Variants in FER1L6 observed in about 807,000 individuals in gnomAD.
The protein encoded by FER1L6 is fer-1 like family member 6.
A neutral mutation model predicts 219.2 loss-of-function variants in FER1L6; 177 were observed. The ratio of observed to expected loss-of-function variants is 0.81; its 90% CI spans 0.71 to 0.91. The LOEUF (loss-of-function observed/expected upper bound fraction) is 0.91. Ranked by LOEUF, FER1L6 falls within the 40% of genes least tolerant of loss-of-function variation. The pLI is 0.00. For missense variants in FER1L6, 2,153 were observed against 2,259.9 expected (o/e 0.95, Z 0.96); for synonymous variants, 768 against 824.3 (o/e 0.93, Z 1.17).
chr8:124,061,428 G>A (rs910906621), intron 24 of FER1L6, among the ~76,000 whole-genome samples: 23 of 152,044 alleles, frequency 1.5e-4, no homozygotes, highest in Non-Finnish European at 2.2e-4. Flanking sequence ...ATTGAGTCTC[G>A]GGGGCCACCA....
chr8:123,854,509 C>T (rs111494122), intron 1 of FER1L6, among the ~76,000 whole-genome samples: 17 of 152,188 alleles, frequency 1.1e-4, no homozygotes, highest in African/African-American at 4.1e-4. Flanking sequence ...GTCCATCACA[C>T]TGTGTTTCTG....
At chr8:123,968,407 C>A (rs1175925553) in intron 5 of FER1L6, among the ~76,000 whole-genome samples, 2 of 151,972 alleles carry the variant, frequency 1.3e-5, no homozygotes, top group Non-Finnish European at 2.9e-5. Flanking sequence ...CTGAAGGAAC[C>A]CATTAGTTGG....
intron 34 of FER1L6, among the ~76,000 whole-genome samples, chr8:124,092,627 G>A (rs56967015): frequency 1.3e-5 from 2 of 152,104 alleles, no homozygotes; most frequent in Non-Finnish European, 2.9e-5. Flanking sequence ...GTGTTGGTCT[G>A]TTCTTGCATT....
chr8:123,977,705 C>G (rs1816152268), intron 10 of FER1L6, 96 bp downstream of exon 10: 1 of 1,102,624 alleles, frequency 9.1e-7, no homozygotes, highest in Non-Finnish European at 1.3e-6. Context: ...CAGTCCCCAG[C>G]CTTTCTGGCA....
intron 1 of FER1L6, among the ~76,000 whole-genome samples, chr8:123,877,638 A>G (rs1346022055): frequency 1.3e-5 from 2 of 152,080 alleles, no homozygotes; most frequent in Non-Finnish European, 2.9e-5. Context: ...TCTTGCTTGA[A>G]TCTACGTCTC....
At chr8:124,049,154 T>G (rs1819878306) in intron 21 of FER1L6, among the ~76,000 whole-genome samples, 1 of 152,042 alleles carries the variant, frequency 6.6e-6, no homozygotes, top group Non-Finnish European at 1.5e-5. Flanking sequence ...TTTAAGTGAT[T>G]CTCCTGCCTC....
intron 1 of FER1L6, among the ~76,000 whole-genome samples, chr8:123,944,026 G>A (rs1814372997): frequency 6.6e-6 from 1 of 152,066 alleles, no homozygotes; most frequent in African/African-American, 2.4e-5. Flanking sequence ...TTTTACTGAA[G>A]CCTTGAGACC....
intron 16 of FER1L6, among the ~76,000 whole-genome samples, chr8:124,019,049 T>G (rs1197793408): frequency 6.6e-6 from 1 of 152,198 alleles, no homozygotes; most frequent in African/African-American, 2.4e-5. Flanking sequence ...ACCAGCATGG[T>G]CTTTCTAAAA....
At chr8:124,117,474 G>T (rs1225870262) in intron 39 of FER1L6, among the ~76,000 whole-genome samples, 1 of 152,144 alleles carries the variant, frequency 6.6e-6, no homozygotes, top group Non-Finnish European at 1.5e-5. Flanking sequence ...TGCCTATGGG[G>T]CTAAGATTTC....
At chr8:123,857,845 A>C (rs1816675775) in intron 1 of FER1L6, among the ~76,000 whole-genome samples, 1 of 152,200 alleles carries the variant, frequency 6.6e-6, no homozygotes, top group Non-Finnish European at 1.5e-5. Context: ...TCTGGACAAA[A>C]AGCAGAAACT....
intron 1 of FER1L6, among the ~76,000 whole-genome samples, chr8:123,894,347 G>A (rs1812708876): frequency 6.6e-6 from 1 of 152,116 alleles, no homozygotes; most frequent in African/African-American, 2.4e-5. Flanking sequence ...ATTTGTGACT[G>A]ATTTCCCATC....
intron 33 of FER1L6, among the ~76,000 whole-genome samples, chr8:124,084,343 T>TA (rs1354433830): frequency 1.3e-5 from 2 of 152,128 alleles, no homozygotes; most frequent in Non-Finnish European, 2.9e-5. Context: ...TTTCAGATCT[T>TA]AGAGGAAAGG....
intron 18 of FER1L6, among the ~76,000 whole-genome samples, chr8:124,032,424 A>G (rs1317671480): frequency 7.3e-5 from 11 of 150,930 alleles, no homozygotes; most frequent in African/African-American, 2.7e-4. Flanking sequence ...GACTGTCTCA[A>G]AAAAAAAGAA....
At chr8:124,093,034 G>A (rs1191575863) in intron 34 of FER1L6, among the ~76,000 whole-genome samples, 1 of 152,070 alleles carries the variant, frequency 6.6e-6, no homozygotes. Flanking sequence ...ATGTTGGCCA[G>A]GCTGGTCTTG....
chr8:123,889,043 G>A (rs776881689), intron 1 of FER1L6, among the ~76,000 whole-genome samples: 16 of 152,112 alleles, frequency 1.1e-4, no homozygotes, highest in East Asian at 1.9e-4. Flanking sequence ...TGGGTTTTAC[G>A]TTTGTCTTTC....
rs1209983232 is a variant in FER1L6, at chr8:123,889,257, G to A, written c.-8+37072G>A. Among the ~76,000 whole-genome samples, 8 of 152,278 alleles carry A rather than the reference G, an allele frequency of 5.3e-5. No homozygotes were observed. The East Asian group carries it at 1.5e-3, about 29-fold the overall frequency. On this transcript the variant is annotated intron_variant, in intron 1 of 40. Coordinates refer to ENST00000522917, the MANE Select transcript of FER1L6 (RefSeq NM_001039112.2). Reference sequence around the variant, plus strand: ...AAGTTTCTTAATTAGATGAATACCTGATATTCACAGGTTATAAAACAGATA... The same window carrying A: ...AAGTTTCTTAATTAGATGAATACCTAATATTCACAGGTTATAAAACAGATA...
chr8:123,878,409 C>T (rs1012613692), intron 1 of FER1L6, among the ~76,000 whole-genome samples: 1 of 152,188 alleles, frequency 6.6e-6, no homozygotes, highest in Non-Finnish European at 1.5e-5. Flanking sequence ...GATTAACACC[C>T]GAATTTCATC....
chr8:124,115,571 C>A (rs1823212429), intron 39 of FER1L6, among the ~76,000 whole-genome samples: 2 of 152,230 alleles, frequency 1.3e-5, no homozygotes, highest in South Asian at 4.1e-4. Context: ...GCCTGTGGGA[C>A]TTTTCTGGTA....
rs373287444 is a variant in FER1L6 at position 124,045,796 on chromosome 8, G to C, written c.2619G>C (p.Trp873Cys). The change falls in exon 21 of 41, where the codon TGG becomes TGC. Residue 873 changes from tryptophan to cysteine, a missense_variant. By Grantham distance (215) the Trp-to-Cys change is radical (BLOSUM62 -2). Transcript: ENST00000522917. ...TCTCCCAGACCCTCTCTCCGACCTG[G>C]AACCAGATGCTGCTGTTCAATGATT... ...KIISQTLSPTWNQMLLFNDLV... is the reference protein window; with the variant it reads ...KIISQTLSPTCNQMLLFNDLV... 145 of 1,613,950 alleles carry C rather than the reference G, an allele frequency of 9.0e-5. No homozygotes were observed. The highest frequency in any genetic ancestry group is 1.7e-5 in the Non-Finnish European group (20 of 1,179,998).
Sources: allele counts gnomAD v4.1 joint callset (sites outside exome capture counted in the v4.1 genomes callset), GRCh38; gene constraint gnomAD v4.1.1; transcripts MANE v1.5; gene names NCBI Gene and HGNC (gene_info 2026-07-23, HGNC 2026-07-21).